The following SEMA6A variants were observed in gnomAD, a reference collection of about 807,000 sequenced individuals.
SEMA6A encodes semaphorin 6A.
In SEMA6A, 25 loss-of-function variants were observed where a neutral mutation model predicts 96.8. The observed-to-expected ratio is 0.26, with a 90% CI of 0.19 to 0.36. The LOEUF is 0.36. Ranked by LOEUF, SEMA6A falls within the 10% of genes least tolerant of loss-of-function variation. The pLI, the probability that SEMA6A is intolerant of heterozygous loss-of-function variation, is 1.00. For missense variants in SEMA6A, 1,363 were observed against 1,323.1 expected, an observed-to-expected ratio of 1.03 and a Z score of -0.47; for synonymous variants, 612 against 518.0, an observed-to-expected ratio of 1.18 and a Z score of -2.46.
chr5:116,485,643 TC>T (rs1303213860), intron 10 of SEMA6A, among the ~76,000 whole-genome samples: 1 of 152,232 alleles, frequency 6.6e-6, no homozygotes. Flanking sequence ...CTAGATGTTA[TC>T]CTTTAGTTTT....
chr5:116,522,553 G>C (rs1759007977), intron 1 of SEMA6A, among the ~76,000 whole-genome samples: 1 of 152,160 alleles, frequency 6.6e-6, no homozygotes, highest in African/African-American at 2.4e-5. Flanking sequence ...AAACCCGCCT[G>C]CGTGCCATAT....
intron 1 of SEMA6A, among the ~76,000 whole-genome samples, chr5:116,508,804 A>T (rs749030602): frequency 4.0e-5 from 6 of 151,744 alleles, no homozygotes; most frequent in Non-Finnish European, 5.9e-5. Flanking sequence ...ACTCCTTCCC[A>T]CTCTCTTAGG....
chr5:116,570,344 T>TGGG (rs138889764), intron 1 of SEMA6A, among the ~76,000 whole-genome samples: 703 of 151,140 alleles, frequency 4.7e-3, no homozygotes, highest in African/African-American at 9.8e-3. Context: ...CCCAAGAGAG[T>TGGG]GGGGGGGGTT....
intron 18 of SEMA6A, among the ~76,000 whole-genome samples, chr5:116,464,914 T>C (rs1755636052): frequency 6.6e-6 from 1 of 152,084 alleles, no homozygotes; most frequent in South Asian, 2.1e-4. Context: ...CAAAATAAAA[T>C]GGGCAATGGA....
chr5:116,562,969 G>A, intron 1 of SEMA6A: 2 of 575,536 alleles, frequency 3.5e-6, no homozygotes, highest in Non-Finnish European at 3.3e-6. Flanking sequence ...CATCCTCTCT[G>A]ACAGCACCCG....
chr5:116,467,880 TTAG>T (rs1448665473), intron 17 of SEMA6A, 133 bp from the exon 18 acceptor site: 3 of 730,962 alleles, frequency 4.1e-6, no homozygotes, highest in East Asian at 3.6e-5. Flanking sequence ...ATGACACGGC[TTAG>T]TGGTGGTGGT....
chr5:116,483,573 T>C (rs915016662), intron 10 of SEMA6A, among the ~76,000 whole-genome samples: 7 of 152,156 alleles, frequency 4.6e-5, no homozygotes, highest in African/African-American at 1.7e-4. Context: ...AAAAATAACT[T>C]CATAAATGAT....
chr5:116,478,839 T>C, intron 12 of SEMA6A, 121 bp from the exon 13 acceptor site: 1 of 928,704 alleles, frequency 1.1e-6, no homozygotes, highest in Non-Finnish European at 1.6e-6. Context: ...AATATATGCA[T>C]ATAAATAATG....
In SEMA6A at chr5:116,519,664, T is replaced by TACACACAC. The variant is rs72233200; in HGVS notation, c.-38-14690_-38-14683dup. Among the ~76,000 whole-genome samples, 1,437 of 147,008 alleles carry TACACACAC rather than the reference T, an allele frequency of 9.8e-3. 12 individuals carry two copies. The highest frequency in any genetic ancestry group is 0.017 in the South Asian group (80 of 4,626). On this transcript the variant is annotated intron_variant, in intron 1 of 18. Coordinates refer to ENST00000343348, the MANE Select transcript of SEMA6A (RefSeq NM_020796.5). ...TAAGTGGCTATAACGATGCTGTGTG[T>TACACACAC]ACACACACACACACACACACACACA... is the stretch of plus-strand genomic sequence containing the variant.
chr5:116,538,135 A>T (rs1759804946), intron 1 of SEMA6A, among the ~76,000 whole-genome samples: 1 of 152,242 alleles, frequency 6.6e-6, no homozygotes, highest in Admixed American at 6.5e-5. Flanking sequence ...AGATCACGCC[A>T]CTGCACTCCA....
At chr5:116,513,145 G>A (rs1220886758) in intron 1 of SEMA6A, among the ~76,000 whole-genome samples, 1 of 150,366 alleles carries the variant, frequency 6.7e-6, no homozygotes, top group East Asian at 1.9e-4. Context: ...TTTTTCCCCC[G>A]CGACGGAGTT....
intron 18 of SEMA6A, among the ~76,000 whole-genome samples, chr5:116,461,482 T>C (rs1755393755): frequency 1.1e-5 from 1 of 93,558 alleles, no homozygotes; most frequent in Non-Finnish European, 2.8e-5. Context: ...AAATAAAGCT[T>C]AGGCTTAAAA....
intron 3 of SEMA6A, among the ~76,000 whole-genome samples, chr5:116,501,148 CA>C (rs2112764311): frequency 6.6e-6 from 1 of 152,354 alleles, no homozygotes; most frequent in African/African-American, 2.4e-5. Context: ...AATAGCTACA[CA>C]CTCCCAAAAT....
At chr5:116,505,112 T>C (rs1012290051) in intron 1 of SEMA6A, 130 bp from the exon 2 acceptor site, 5 of 550,412 alleles carry the variant, frequency 9.1e-6, no homozygotes, top group Admixed American at 6.1e-5. Context: ...GGTAAATTCG[T>C]TGATTTTTGT....
intron 1 of SEMA6A, among the ~76,000 whole-genome samples, chr5:116,547,753 A>AAAAAAAAAAAAAAG (rs1760243074): frequency 6.6e-6 from 1 of 150,626 alleles, no homozygotes; most frequent in African/African-American, 2.4e-5. Flanking sequence ...AAAAAAAAAA[A>AAAAAAAAAAAAAAG]AAAAAAGCCA....
intron 1 of SEMA6A, among the ~76,000 whole-genome samples, chr5:116,505,202 G>A (rs1402136803): frequency 6.6e-6 from 1 of 152,012 alleles, no homozygotes; most frequent in Non-Finnish European, 1.5e-5. Context: ...CTCCAATATG[G>A]AACAAAGAGC....
chr5:116,571,447 A>G (rs1761207863), intron 1 of SEMA6A, among the ~76,000 whole-genome samples: 1 of 152,248 alleles, frequency 6.6e-6, no homozygotes, highest in Non-Finnish European at 1.5e-5. Flanking sequence ...AACATAAAGT[A>G]GAATGCTTCT....
intron 1 of SEMA6A, among the ~76,000 whole-genome samples, chr5:116,517,179 GATGA>G (rs1362724100): frequency 6.6e-6 from 1 of 151,814 alleles, no homozygotes; most frequent in Non-Finnish European, 1.5e-5. Flanking sequence ...TCCCTCTTAG[GATGA>G]ATATTTATGC....
chr5:116,449,282 C>G (rs752567515), intron 18 of SEMA6A: 6 of 701,858 alleles, frequency 8.5e-6, no homozygotes, highest in South Asian at 5.9e-5. Context: ...AACATTGTTC[C>G]TATTATGGAA....
Sources: allele counts gnomAD v4.1 joint callset (sites outside exome capture counted in the v4.1 genomes callset), GRCh38; gene constraint gnomAD v4.1.1; transcripts MANE v1.5; gene names NCBI Gene and HGNC (gene_info 2026-07-23, HGNC 2026-07-21).